SLC25A21: variants seen among roughly 807,000 people sequenced by gnomAD.
SLC25A21 encodes the protein mitochondrial 2-oxodicarboxylate carrier.
A neutral mutation model predicts 43.8 loss-of-function variants in SLC25A21; 47 were observed. The ratio of observed to expected loss-of-function variants is 1.07; its 90% CI spans 0.85 to 1.37. The LOEUF is 1.37. Among genes scored for constraint, SLC25A21 ranks in the 40% most tolerant of loss-of-function variants. The pLI, the probability that SLC25A21 is intolerant of heterozygous loss-of-function variation, is 0.00. For missense variants in SLC25A21, 352 were observed against 350.2 expected (o/e 1.00, Z -0.04); for synonymous variants, 131 against 121.3 (o/e 1.08, Z -0.52).
At chr14:36,885,201 A>G (rs925246374) in intron 1 of SLC25A21, among the ~76,000 whole-genome samples, 3 of 152,226 alleles carry the variant, frequency 2.0e-5, no homozygotes, top group Admixed American at 6.5e-5. Context: ...TTTTCCCAAC[A>G]CTATTTATTG....
chr14:36,930,479 C>T (rs1414592203), intron 1 of SLC25A21, among the ~76,000 whole-genome samples: 2 of 152,088 alleles, frequency 1.3e-5, no homozygotes. Flanking sequence ...TACCCCTTAA[C>T]CTCTCTTAAT....
chr14:36,997,030 G>A (rs1310373836), intron 1 of SLC25A21, among the ~76,000 whole-genome samples: 5 of 152,092 alleles, frequency 3.3e-5, no homozygotes. Context: ...TGGTGGGAGA[G>A]TCGGCTGTGC....
Position 36,725,604 on chromosome 14 carries a change from A to G in SLC25A21, c.404T>C (p.Val135Ala), listed in dbSNP as rs937323249. The G allele has an allele frequency of 6.3e-7, 1 of 1,594,306 alleles. No individual in the cohort carries two copies. Among genetic ancestry groups the G allele is most frequent in the Non-Finnish European group, 8.5e-7 (1 of 1,170,886 alleles). ...IVVNPFEVVKVGLQANRNTFA... is the reference protein window; with the variant it reads ...IVVNPFEVVKAGLQANRNTFA... ...TGTGTTCCGATTTGCTTGCAAGCCA[A>G]CTTTTACTACCTCAAAAGGGTTAAC... Residue 135 changes from valine (V) to alanine (A), a missense_variant, in exon 6 of 10, where the codon GTT becomes GCT. Transcript: ENST00000331299.
chr14:36,733,283 C>A (rs775355287), intron 4 of SLC25A21, among the ~76,000 whole-genome samples: 2 of 152,160 alleles, frequency 1.3e-5, no homozygotes, highest in Non-Finnish European at 2.9e-5. Context: ...TCAAGTAAAG[C>A]CATTTCATAA....
intron 7 of SLC25A21, among the ~76,000 whole-genome samples, chr14:36,708,347 G>T (rs1274982792): frequency 1.3e-5 from 2 of 152,200 alleles, no homozygotes; most frequent in Non-Finnish European, 2.9e-5. Flanking sequence ...GTATAATCTA[G>T]ATGTGGGAAG....
chr14:36,740,739 CTA>C (rs932532683), intron 3 of SLC25A21, among the ~76,000 whole-genome samples: 14 of 151,314 alleles, frequency 9.3e-5, no homozygotes, highest in Admixed American at 7.3e-4. Context: ...GTGAAATTTC[CTA>C]TGAGTTCCAG....
chr14:36,732,678 T>C (rs1253756188), intron 4 of SLC25A21, among the ~76,000 whole-genome samples: 1 of 151,938 alleles, frequency 6.6e-6, no homozygotes, highest in Admixed American at 6.6e-5. Context: ...TCTCTGAATA[T>C]TTTTTTTCTT....
chr14:37,160,754 AC>A (rs1380434026), intron 1 of SLC25A21, among the ~76,000 whole-genome samples: 1 of 151,728 alleles, frequency 6.6e-6, no homozygotes, highest in African/African-American at 2.4e-5. Context: ...ACATGGTGAA[AC>A]CCTGTCTCTA....
At chr14:36,837,161 G>T (rs1889236812) in intron 2 of SLC25A21, among the ~76,000 whole-genome samples, 1 of 152,076 alleles carries the variant, frequency 6.6e-6, no homozygotes, top group Admixed American at 6.6e-5. Context: ...ACCTAGAGAA[G>T]CCACGGTGGG....
At chr14:37,019,569 C>T (rs546527857) in intron 1 of SLC25A21, among the ~76,000 whole-genome samples, 1 of 151,754 alleles carries the variant, frequency 6.6e-6, no homozygotes, top group East Asian at 1.9e-4. Context: ...GACATTTCAG[C>T]ATATAGCATT....
chr14:36,951,360 G>A (rs920144370), intron 1 of SLC25A21, among the ~76,000 whole-genome samples: 3 of 152,016 alleles, frequency 2.0e-5, no homozygotes, highest in African/African-American at 7.2e-5. Context: ...ATAATAAACA[G>A]GAAATGCAGG....
chr14:36,982,057 T>C (rs1014983466), intron 1 of SLC25A21, among the ~76,000 whole-genome samples: 2 of 152,196 alleles, frequency 1.3e-5, no homozygotes, highest in African/African-American at 4.8e-5. Context: ...AGTGATCCCA[T>C]ATAGTCAAAT....
rs544817379 is a variant in SLC25A21 at position 36,849,686 on chromosome 14, G to T, written c.119+25270C>A. 5.2e-4 allele frequency among the ~76,000 whole-genome samples: 79 copies of T among 152,238 alleles called. 1 individual carries two copies. The highest frequency in any genetic ancestry group is 1.7e-3 in the African/African-American group (71 of 41,556). ...AATGCCATTTCTAAAGCTTGAAGCT[G>T]TGCCAATATTTGAGACAGTCTATCT... On this transcript the variant is annotated intron_variant, in intron 2 of 9. Coordinates refer to ENST00000331299, the MANE Select transcript of SLC25A21 (RefSeq NM_030631.4).
At chr14:36,736,604 G>T (rs1885050582) in intron 3 of SLC25A21, among the ~76,000 whole-genome samples, 1 of 151,190 alleles carries the variant, frequency 6.6e-6, no homozygotes, top group South Asian at 2.1e-4. Flanking sequence ...CCATCTGGAA[G>T]ACTATGCCTG....
chr14:36,976,582 T>TGA (rs1324878870), intron 1 of SLC25A21, among the ~76,000 whole-genome samples: 3 of 151,900 alleles, frequency 2.0e-5, no homozygotes, highest in African/African-American at 7.3e-5. Context: ...CTGTGCAACG[T>TGA]GAGGTCAGGA....
chr14:36,698,470 G>A (rs1403223569), intron 7 of SLC25A21, among the ~76,000 whole-genome samples: 1 of 152,142 alleles, frequency 6.6e-6, no homozygotes, highest in Non-Finnish European at 1.5e-5. Flanking sequence ...GCCTTGCTAG[G>A]TTGGGGAAGT....
Position 37,074,968 on chromosome 14 carries a change from G to T in SLC25A21, c.70+97313C>A, listed in dbSNP as rs541888961. Among the ~76,000 whole-genome samples the T allele has an allele frequency of 5.3e-4, 80 of 152,334 alleles. 1 individual carries two copies. The highest frequency in any genetic ancestry group is 1.2e-3 in the Admixed American group (19 of 15,310). On this transcript the variant is annotated intron_variant, in intron 1 of 9. Transcript: ENST00000331299. ...TGCTAGGTCCTGGAAATACAAAGTT[G>T]TAGAAGCCATTGTCCCTGCCTGAAA...
At chr14:36,887,211 C>CATATATATATATATAT (rs3985278) in intron 1 of SLC25A21, among the ~76,000 whole-genome samples, 1 of 148,650 alleles carries the variant, frequency 6.7e-6, no homozygotes, top group African/African-American at 2.5e-5. Flanking sequence ...TGTGTGTCTA[C>CATATATATATATATAT]ATATATATAT....
intron 1 of SLC25A21, among the ~76,000 whole-genome samples, chr14:37,171,467 T>C (rs1411562477): frequency 6.6e-6 from 1 of 152,136 alleles, no homozygotes; most frequent in Non-Finnish European, 1.5e-5. Flanking sequence ...ATTTATAAAA[T>C]GTTTTCTGGT....
Sources: gnomAD v4.1 joint callset for allele counts (sites outside exome capture counted in the v4.1 genomes callset) on GRCh38, gnomAD v4.1.1 for gene constraint, MANE v1.5 for transcripts, NCBI Gene and HGNC (gene_info 2026-07-23, HGNC 2026-07-21) for gene names.